The following PDZD2 variants were observed in gnomAD, a reference collection of about 807,000 sequenced individuals.
PDZD2 encodes the protein PDZ domain containing 2.
A neutral mutation model predicts 220.7 loss-of-function variants in PDZD2; 90 were observed. The ratio of observed to expected loss-of-function variants is 0.41; its 90% CI spans 0.34 to 0.49. The LOEUF (loss-of-function observed/expected upper bound fraction) is 0.49. Among genes scored for constraint, PDZD2 ranks in the 20% least tolerant of loss-of-function variants. PDZD2 has a pLI of 0.28. For missense variants in PDZD2, 3,174 were observed against 3,608.5 expected (o/e 0.88, Z 3.08); for synonymous variants, 1,375 against 1,450.5 (o/e 0.95, Z 1.18).
intron 2 of PDZD2, among the ~76,000 whole-genome samples, chr5:31,816,356 C>T (rs1755458465): frequency 6.6e-6 from 1 of 151,804 alleles, no homozygotes; most frequent in African/African-American, 2.4e-5. Context: ...ATTTGAGGAC[C>T]TTATCTCTGA....
chr5:31,995,463 G>A, intron 3 of PDZD2, 113 bp from the exon 4 acceptor site: 1 of 1,078,484 alleles, frequency 9.3e-7, no homozygotes. Context: ...GATAATCTGT[G>A]ATATCTGTGG....
chr5:32,041,163 C>A (rs1458634256), intron 7 of PDZD2, among the ~76,000 whole-genome samples: 1 of 148,118 alleles, frequency 6.8e-6, no homozygotes, highest in East Asian at 2.1e-4. Flanking sequence ...GCCCGGCCGC[C>A]CCGTCTGGGA....
chr5:31,776,711 C>A (rs1752678802), intron 1 of PDZD2, among the ~76,000 whole-genome samples: 1 of 151,534 alleles, frequency 6.6e-6, no homozygotes, highest in Non-Finnish European at 1.5e-5. Context: ...TGCAGTAGTG[C>A]AGTCTTGGCT....
chr5:31,661,773 G>C (rs1383733367), intron 1 of PDZD2, among the ~76,000 whole-genome samples: 2 of 144,538 alleles, frequency 1.4e-5, no homozygotes, highest in Non-Finnish European at 3.0e-5. Context: ...GAAATAAGTA[G>C]TTCCTCCCTT....
intron 2 of PDZD2, among the ~76,000 whole-genome samples, chr5:31,956,189 G>C (rs1344503258): frequency 1.3e-5 from 2 of 152,056 alleles, no homozygotes; most frequent in Non-Finnish European, 2.9e-5. Flanking sequence ...TTGTCAGAAT[G>C]ATCTATCCAT....
chr5:31,908,680 TA>T, intron 2 of PDZD2: 1 of 1,169,988 alleles, frequency 8.5e-7, no homozygotes, highest in Non-Finnish European at 1.2e-6. Context: ...CCAGAAAGAG[TA>T]AAACCTTTTA....
intron 1 of PDZD2, among the ~76,000 whole-genome samples, chr5:31,684,550 A>G (rs556444077): frequency 1.4e-5 from 2 of 140,070 alleles, no homozygotes; most frequent in South Asian, 5.3e-4. Context: ...CTGTCTACAT[A>G]GTAGCTAGAG....
chr5:31,880,070 C>T (rs951813102), intron 2 of PDZD2, among the ~76,000 whole-genome samples: 3 of 151,986 alleles, frequency 2.0e-5, no homozygotes, highest in African/African-American at 7.3e-5. Flanking sequence ...CCCACCACCA[C>T]CACCACGCCT....
At chr5:32,053,089 G>A (rs1171819080) in intron 9 of PDZD2, among the ~76,000 whole-genome samples, 2 of 152,196 alleles carry the variant, frequency 1.3e-5, no homozygotes, top group Admixed American at 1.3e-4. Flanking sequence ...GGATTCCCTG[G>A]CATTCTGTAC....
In PDZD2 at chr5:32,089,648, A is replaced by G; in HGVS notation, c.6200A>G (p.Gln2067Arg). ...LASHVAADTA[Q>R]PRPTGEKGGN... ...AGCCATGTGGCAGCAGACACAGCCCAACCCAGGCCGACTGGCGAAAAAGGA... is the reference window on the plus strand; with the variant it reads ...AGCCATGTGGCAGCAGACACAGCCCGACCCAGGCCGACTGGCGAAAAAGGA... Residue 2067 changes from glutamine (Q) to arginine (R), a missense_variant, in exon 20 of 25, where the codon CAA (glutamine) becomes CGA (arginine). Gln to Arg is a conservative substitution (Grantham distance 43). Around this residue, in one of 4 missense-constraint regions of PDZD2, gnomAD observed 1,861 missense variants for 2,001.0 expected, o/e 0.93. Coordinates refer to ENST00000438447, the MANE Select transcript of PDZD2 (RefSeq NM_178140.4). 1 of 1,613,994 alleles carries G rather than the reference A, an allele frequency of 6.2e-7. No homozygotes were observed. Among genetic ancestry groups the G allele is most frequent in the African/African-American group, 1.3e-5 (1 of 75,074 alleles).
At chr5:31,967,044 G>A (rs1748823976) in intron 2 of PDZD2, among the ~76,000 whole-genome samples, 1 of 152,222 alleles carries the variant, frequency 6.6e-6, no homozygotes, top group African/African-American at 2.4e-5. Context: ...AAATTGTGAA[G>A]TAAATTCAGA....
In PDZD2 at chr5:31,728,844, G is replaced by GTTTAT. The variant is rs778082625; in HGVS notation, c.-360-70027_-360-70023dup. Among the ~76,000 whole-genome samples, 627 of 152,002 alleles carry GTTTAT rather than the reference G, an allele frequency of 4.1e-3. 2 individuals carry two copies. Among genetic ancestry groups the GTTTAT allele is most frequent in the Non-Finnish European group, 7.2e-3 (492 of 67,946 alleles). ...ATACCTATTATGCAATGTGCATCTT[G>GTTTAT]TTTATTTTATTTTATTTTATTTGAG... is the stretch of plus-strand genomic sequence containing the variant. On this transcript the variant is annotated intron_variant, in intron 1 of 24. Coordinates refer to ENST00000438447, the MANE Select transcript of PDZD2 (RefSeq NM_178140.4).
At chr5:31,863,241 T>C (rs1487816507) in intron 2 of PDZD2, among the ~76,000 whole-genome samples, 2 of 152,130 alleles carry the variant, frequency 1.3e-5, no homozygotes, top group Non-Finnish European at 2.9e-5. Context: ...CCCCTAACCT[T>C]CTCAGAGGCC....
At chr5:32,092,846 T>G (rs1743283679) in intron 20 of PDZD2, 61 bp from the exon 21 acceptor site, 1 of 814,692 alleles carries the variant, frequency 1.2e-6, no homozygotes, top group African/African-American at 1.8e-5. Context: ...AAATGCATTC[T>G]TATAAAATGA....
intron 1 of PDZD2, among the ~76,000 whole-genome samples, chr5:31,647,416 A>G (rs968490410): frequency 5.9e-5 from 9 of 152,152 alleles, no homozygotes; most frequent in African/African-American, 2.2e-4. Context: ...ATCCTCTCAC[A>G]GTATCCTCTT....
chr5:31,923,332 G>A, intron 2 of PDZD2: 2 of 807,620 alleles, frequency 2.5e-6, no homozygotes, highest in Non-Finnish European at 4.3e-6. Flanking sequence ...GGTGGTTGCT[G>A]TAAGGGGTCC....
At chr5:32,028,963 G>A (rs539890827) in intron 6 of PDZD2, among the ~76,000 whole-genome samples, 13 of 152,272 alleles carry the variant, frequency 8.5e-5, no homozygotes, top group Admixed American at 2.6e-4. Flanking sequence ...GATTGCAGGC[G>A]TGAGTCACCG....
In PDZD2 at chr5:32,088,280, C is replaced by T. The variant is rs769780969; in HGVS notation, c.4832C>T (p.Pro1611Leu). Reference sequence around the variant, plus strand: ...TCCACACGTGGCTGCCCCAATCCACCCTCGAGTCCTGCTCATCTTCCCACC... The same window carrying T: ...TCCACACGTGGCTGCCCCAATCCACTCTCGAGTCCTGCTCATCTTCCCACC... ...ICSTRGCPNP[P>L]SSPAHLPTQA... is the part of the protein sequence containing the mutation. Residue 1611 changes from proline (P) to leucine (L), a missense_variant, in exon 20 of 25, where the codon CCC (proline) becomes CTC (leucine). Physicochemically the swap from Pro to Leu is moderately conservative, Grantham distance 98. Around this residue, in one of 4 missense-constraint regions of PDZD2, gnomAD observed 1,861 missense variants for 2,001.0 expected, o/e 0.93. Coordinates refer to ENST00000438447, the MANE Select transcript of PDZD2 (RefSeq NM_178140.4). This position sits in a 1 kb window ranked among gnomAD's most constrained non-coding sequence, Gnocchi z 4.6. The T allele has an allele frequency of 3.7e-6, 6 of 1,614,126 alleles. No homozygotes were observed. Among genetic ancestry groups the T allele is most frequent in the Admixed American group, 3.3e-5 (2 of 60,012 alleles).
chr5:31,660,416 A>T (rs2150111480), intron 1 of PDZD2, among the ~76,000 whole-genome samples: 1 of 152,188 alleles, frequency 6.6e-6, no homozygotes, highest in Middle Eastern at 3.4e-3. Context: ...AATACCTGAG[A>T]TTGGGTAATT....
Sources: gnomAD v4.1 joint callset for allele counts (sites outside exome capture counted in the v4.1 genomes callset) on GRCh38, gnomAD v4.1.1 for gene constraint, gnomAD v4.1.1 regional missense constraint, Gnocchi (gnomAD v3.1) non-coding constraint, MANE v1.5 for transcripts, NCBI Gene and HGNC (gene_info 2026-07-23, HGNC 2026-07-21) for gene names.